Variants in SLC7A2 observed in about 807,000 individuals in gnomAD.
SLC7A2 encodes cationic amino acid transporter 2.
SLC7A2 carries 48 observed loss-of-function variants against 58.9 expected under a neutral mutation model. The ratio of observed to expected loss-of-function variants is 0.82; its 90% CI spans 0.65 to 1.04. The LOEUF (loss-of-function observed/expected upper bound fraction) is 1.04, where lower values mean the gene tolerates loss of function less well. SLC7A2 is among the 50% of genes least tolerant of loss of function. The probability of loss-of-function intolerance (pLI) is 0.00; values close to 1 mark genes in which losing one functional copy is unlikely to be tolerated. For missense variants in SLC7A2, 1,029 were observed against 818.8 expected (o/e 1.26, Z -3.13); for synonymous variants, 363 against 314.5 (o/e 1.15, Z -1.63).
chr8:17,569,413 A>G lies in SLC7A2; in HGVS notation c.*4267A>G, dbSNP rs896983587. On this transcript the variant is annotated 3_prime_UTR_variant, in exon 13 of 13. Transcript: ENST00000494857. ...TTACTTGTTTATAAAGTTCTCCCAC[A>G]TGTCCTTAAATATCAAGGGGGAAAG... 9.9e-5 allele frequency: 15 copies of G among 152,172 alleles called. No individual in the cohort carries two copies. The highest frequency in any genetic ancestry group is 1.9e-4 in the Non-Finnish European group (13 of 68,024). 9.4% of individuals were successfully genotyped at this position (152,172 alleles called of 1,614,324 possible).
At chr8:17,504,962 C>G (rs568549781) in intron 2 of SLC7A2, among the ~76,000 whole-genome samples, 1 of 152,154 alleles carries the variant, frequency 6.6e-6, no homozygotes, top group African/African-American at 2.4e-5. Flanking sequence ...TGTTTACATT[C>G]GTGCCTCTGT....
chr8:17,549,804 A>G (rs1802360217), intron 5 of SLC7A2, among the ~76,000 whole-genome samples: 1 of 152,230 alleles, frequency 6.6e-6, no homozygotes, highest in Admixed American at 6.5e-5. Context: ...TTAACATATA[A>G]TAAAATATTC....
upstream of SLC7A2, among the ~76,000 whole-genome samples, chr8:17,496,155 TGG>T (rs1799952419): frequency 6.6e-6 from 1 of 152,150 alleles, no homozygotes; most frequent in African/African-American, 2.4e-5. Context: ...AGGCCGGGCA[TGG>T]TGGCTCAAGC....
At chr8:17,526,599 G>T (rs1156570306) in intron 2 of SLC7A2, among the ~76,000 whole-genome samples, 2 of 152,124 alleles carry the variant, frequency 1.3e-5, no homozygotes, top group Non-Finnish European at 2.9e-5. Context: ...TCTTGGAGGT[G>T]CCCTGAAGTA....
At chr8:17,508,487 G>C (rs1303294519) in intron 2 of SLC7A2, among the ~76,000 whole-genome samples, 1 of 152,186 alleles carries the variant, frequency 6.6e-6, no homozygotes, top group Non-Finnish European at 1.5e-5. Flanking sequence ...ACTTTGGGAG[G>C]CCAAGGCAGG....
Position 17,543,397 on chromosome 8 carries a change from G to T in SLC7A2, c.58G>T (p.Val20Leu). The change falls in exon 3 of 13, where the codon GTG (valine) becomes TTG (leucine). Residue 20 changes from valine (V) to leucine (L), a missense_variant. Val to Leu is a conservative substitution (Grantham distance 32, BLOSUM62 1). Coordinates refer to ENST00000494857, the MANE Select transcript of SLC7A2 (RefSeq NM_001370338.1). ...CCGATGTCTGATCCGGAGAAAAATC[G>T]TGACCCTGGACAGTCTAGAAGACAC... ...FARCLIRRKI[V>L]TLDSLEDTKL... is the part of the protein sequence containing the mutation. 6.2e-7 allele frequency: 1 copy of T among 1,614,100 alleles called. No homozygotes were observed. The highest frequency in any genetic ancestry group is 8.5e-7 in the Non-Finnish European group (1 of 1,179,988).
chr8:17,562,178 GTATTTTTTTTTTTTTTTTT>G (rs1277173477), intron 11 of SLC7A2, 68 bp downstream of exon 11: 1 of 478,202 alleles, frequency 2.1e-6, no homozygotes, highest in Non-Finnish European at 2.9e-6. Flanking sequence ...AGTTTGGTAA[GTATTTTTTTTTTTTTTTTT>G]TTTTTTTTTT....
chr8:17,505,343 C>T (rs545116795), intron 2 of SLC7A2, among the ~76,000 whole-genome samples: 65 of 152,250 alleles, frequency 4.3e-4, no homozygotes, highest in Non-Finnish European at 4.4e-4. Flanking sequence ...CTTGGTCATG[C>T]ATCCTTTCCT....
intron 2 of SLC7A2, among the ~76,000 whole-genome samples, chr8:17,504,639 C>T (rs961219389): frequency 1.3e-5 from 2 of 152,148 alleles, no homozygotes; most frequent in African/African-American, 4.8e-5. Flanking sequence ...CTTTGGCTTT[C>T]ATCTTTATTA....
upstream of SLC7A2, among the ~76,000 whole-genome samples, chr8:17,494,332 G>A (rs1799910731): frequency 6.6e-6 from 1 of 152,160 alleles, no homozygotes; most frequent in South Asian, 2.1e-4. Context: ...ACCCTTAAGA[G>A]TTCAGACATG....
rs953065353 is a variant in SLC7A2, at chr8:17,565,210, C to T, written c.*64C>T. 3.6e-5 allele frequency: 46 copies of T among 1,289,388 alleles called. No homozygotes were observed. The highest frequency in any genetic ancestry group is 4.6e-5 in the Non-Finnish European group (43 of 927,750). 79.9% of individuals were successfully genotyped at this position (1,289,388 alleles called of 1,614,324 possible). On this transcript the variant is annotated 3_prime_UTR_variant, in exon 13 of 13. Transcript: ENST00000494857. ...ATATCCTACACTGAGTAAACCGTAACGGGATGTCATCAGCATGCTGGGTTG... is the reference window on the plus strand; with the variant it reads ...ATATCCTACACTGAGTAAACCGTAATGGGATGTCATCAGCATGCTGGGTTG...
intron 2 of SLC7A2, chr8:17,538,991 AG>A: frequency 7.4e-7 from 1 of 1,353,110 alleles, no homozygotes; most frequent in South Asian, 1.2e-5. Flanking sequence ...ACCTTTACTT[AG>A]GGGAGGAAGG....
rs748743870 is a variant in SLC7A2 at position 17,563,590 on chromosome 8, T to C, written c.1672-13T>C. On this transcript the variant is annotated splice_polypyrimidine_tract_variant and intron_variant, in intron 11 of 12. Coordinates refer to ENST00000494857, the MANE Select transcript of SLC7A2 (RefSeq NM_001370338.1). ...AATATGAGTATGTTCAAAAGGATTGTTTTCCCCCTCAGGTTCCATTCTTAC... is the reference window on the plus strand; with the variant it reads ...AATATGAGTATGTTCAAAAGGATTGCTTTCCCCCTCAGGTTCCATTCTTAC... The C allele has an allele frequency of 5.9e-6, 9 of 1,519,114 alleles. No homozygotes were observed. In the Admixed American group the frequency reaches 1.4e-4, roughly 23 times the overall value. The allele number at this position is 1,519,114 out of a possible 1,614,324, so 94.1% of individuals were successfully genotyped here. A position where few individuals can be genotyped will look rare whatever the true frequency, so the allele number is the denominator to read the frequency against.
At chr8:17,545,035 C>A (rs1802097425) in intron 4 of SLC7A2, among the ~76,000 whole-genome samples, 2 of 152,106 alleles carry the variant, frequency 1.3e-5, no homozygotes, top group Non-Finnish European at 1.5e-5. Flanking sequence ...TAATGTAGGC[C>A]TTTGATTGTA....
At position 17,565,287 on chromosome 8, in the gene SLC7A2, G is replaced by A; in HGVS notation, c.*141G>A. On this transcript the variant is annotated 3_prime_UTR_variant, in exon 13 of 13. Coordinates refer to ENST00000494857, the MANE Select transcript of SLC7A2 (RefSeq NM_001370338.1). ...ACCCTAATTTATACTTACTCATCTG[G>A]ACAGCATCTCCTCAGATGGTGAATT... 1.5e-6 allele frequency: 1 copy of A among 648,826 alleles called. No homozygotes were observed. Among genetic ancestry groups the A allele is most frequent in the South Asian group, 2.0e-5 (1 of 49,452 alleles). 40.2% of individuals were successfully genotyped at this position (648,826 alleles called of 1,614,324 possible). A position where few individuals can be genotyped will look rare whatever the true frequency, so the allele number is the denominator to read the frequency against.
chr8:17,501,204 G>A (rs1800146730), intron 1 of SLC7A2, among the ~76,000 whole-genome samples: 2 of 151,958 alleles, frequency 1.3e-5, no homozygotes, highest in African/African-American at 4.8e-5. Flanking sequence ...AGTATAGATG[G>A]GGTTTCACCA....
chr8:17,561,006 C>T (rs934893189), intron 10 of SLC7A2, among the ~76,000 whole-genome samples: 12 of 152,156 alleles, frequency 7.9e-5, no homozygotes, highest in South Asian at 4.2e-4. Context: ...CCAAGAGAGA[C>T]GGTCCGTACT....
chr8:17,496,850 C>A (rs572937105), upstream of SLC7A2, among the ~76,000 whole-genome samples: 1 of 152,176 alleles, frequency 6.6e-6, no homozygotes, highest in East Asian at 1.9e-4. Flanking sequence ...CTTCCCCGGC[C>A]CGCGCCCACC....
upstream of SLC7A2, among the ~76,000 whole-genome samples, chr8:17,495,003 T>C (rs780749641): frequency 1.3e-5 from 2 of 152,242 alleles, no homozygotes; most frequent in African/African-American, 2.4e-5. Context: ...AAATTCCAGA[T>C]AAATTTGTTT....
Sources: gnomAD v4.1 joint callset for allele counts (sites outside exome capture counted in the v4.1 genomes callset) on GRCh38, gnomAD v4.1.1 for gene constraint, MANE v1.5 for transcripts, NCBI Gene and HGNC (gene_info 2026-07-23, HGNC 2026-07-21) for gene names.